Variants in TANC2 observed in about 807,000 individuals in gnomAD.
TANC2 encodes tetratricopeptide repeat, ankyrin repeat and coiled-coil containing 2, also known as protein TANC2.
TANC2 carries 26 observed loss-of-function variants against 210.5 expected under a neutral mutation model. The observed-to-expected ratio is 0.12, with a 90% CI of 0.09 to 0.17. The LOEUF (loss-of-function observed/expected upper bound fraction) is 0.17. Ranked by LOEUF, TANC2 falls within the 10% of genes least tolerant of loss-of-function variation. The probability of loss-of-function intolerance (pLI) is 1.00; values close to 1 mark genes in which losing one functional copy is unlikely to be tolerated. For synonymous variants in TANC2, 931 were observed against 967.1 expected (o/e 0.96, Z 0.69); for missense variants, 2,129 against 2,608.9 (o/e 0.82, Z 4.01).
chr17:63,366,639 AAGC>A (rs1304061351), intron 14 of TANC2, among the ~76,000 whole-genome samples: 1 of 152,240 alleles, frequency 6.6e-6, no homozygotes, highest in African/African-American at 2.4e-5. Flanking sequence ...AAGTGGGAGA[AAGC>A]AGCAAATTCC....
chr17:63,375,633 G>A (rs2047400952), intron 14 of TANC2, among the ~76,000 whole-genome samples: 1 of 152,166 alleles, frequency 6.6e-6, no homozygotes, highest in Non-Finnish European at 1.5e-5. Flanking sequence ...TCTTATACCA[G>A]GGAGGCTACA....
At chr17:63,127,430 A>C (rs920280582) in intron 4 of TANC2, among the ~76,000 whole-genome samples, 1 of 152,202 alleles carries the variant, frequency 6.6e-6, no homozygotes, top group Non-Finnish European at 1.5e-5. Flanking sequence ...ATCAAGGTTC[A>C]TCTGTCCAAA....
At chr17:63,115,587 A>G (rs1238311586) in intron 4 of TANC2, among the ~76,000 whole-genome samples, 1 of 152,194 alleles carries the variant, frequency 6.6e-6, no homozygotes, top group Non-Finnish European at 1.5e-5. Flanking sequence ...GATGGGACAC[A>G]ATATCCAGTC....
intron 7 of TANC2, among the ~76,000 whole-genome samples, chr17:63,209,280 TG>T (rs1239476365): frequency 6.6e-6 from 1 of 152,152 alleles, no homozygotes; most frequent in Non-Finnish European, 1.5e-5. Flanking sequence ...CCAAAAGTGC[TG>T]GGATTACAGG....
At chr17:63,312,305 A>G (rs2045152475) in intron 9 of TANC2, among the ~76,000 whole-genome samples, 1 of 152,188 alleles carries the variant, frequency 6.6e-6, no homozygotes, top group South Asian at 2.1e-4. Context: ...AAAGACATGG[A>G]ATCTCCCTAG....
At position 63,421,435 on chromosome 17, in the gene TANC2, G is replaced by A. The variant is rs373701170; in HGVS notation, c.5705G>A (p.Arg1902Lys). 7.4e-6 allele frequency: 12 copies of A among 1,613,976 alleles called. No individual in the cohort carries two copies. The highest frequency in any genetic ancestry group is 1.0e-5 in the Non-Finnish European group (12 of 1,179,900). The change falls in exon 28 of 28, where the codon AGG (arginine) becomes AAG (lysine). Residue 1902 changes from arginine to lysine, a missense_variant. This residue lies in a region of TANC2 where 584 missense variants were observed against 627.3 expected (regional missense o/e 0.93). Coordinates refer to ENST00000689528, the Ensembl canonical transcript of TANC2. This position sits in a 1 kb window ranked among gnomAD's most constrained non-coding sequence, Gnocchi z 6.9. The stretch of plus-strand genomic sequence containing the variant: ...ATCCCACTGAAACCTGCATATGAGA[G>A]GTCATGTGACGAGCTGTCGCCAGTG...
intron 3 of TANC2, among the ~76,000 whole-genome samples, chr17:63,098,484 A>ACACACTCTCT (rs1360911153): frequency 2.8e-5 from 2 of 72,342 alleles, no homozygotes; most frequent in African/African-American, 1.3e-4. Context: ...ACACACATAC[A>ACACACTCTCT]CTCTCTCTCT....
intron 12 of TANC2, among the ~76,000 whole-genome samples, chr17:63,350,889 A>C (rs1204510187): frequency 2.6e-5 from 4 of 151,978 alleles, no homozygotes; most frequent in South Asian, 2.1e-4. Context: ...AAAAAAAAAA[A>C]AAAAACAGAA....
intron 2 of TANC2, among the ~76,000 whole-genome samples, chr17:63,017,868 G>A (rs529798561): frequency 6.6e-6 from 1 of 152,266 alleles, no homozygotes; most frequent in Admixed American, 6.5e-5. Context: ...GCAGCAGGGC[G>A]CGGTGACTCA....
At chr17:63,059,238 C>T (rs1320863942) in intron 2 of TANC2, among the ~76,000 whole-genome samples, 4 of 151,924 alleles carry the variant, frequency 2.6e-5, no homozygotes, top group African/African-American at 7.3e-5. Flanking sequence ...TAACATTTTC[C>T]CTTTGCTTTT....
chr17:63,152,841 TTAATC>T (rs1427716964), intron 5 of TANC2: 3 of 152,190 alleles, frequency 2.0e-5, no homozygotes, highest in South Asian at 2.1e-4. Flanking sequence ...TCTGACATCT[TTAATC>T]TAATCTAAAG....
chr17:63,183,257 A>C (rs1466010402), intron 5 of TANC2, among the ~76,000 whole-genome samples: 1 of 152,242 alleles, frequency 6.6e-6, no homozygotes, highest in African/African-American at 2.4e-5. Context: ...TGACGTTAAC[A>C]TTGCCAGCAT....
chr17:63,358,976 TTGTG>T (rs34338483), intron 14 of TANC2, among the ~76,000 whole-genome samples: 24,474 of 147,848 alleles, frequency 0.17, 2,423 homozygotes, highest in Non-Finnish European at 0.23. Context: ...AGATTAATAT[TTGTG>T]TGTGTGTGTG....
intron 4 of TANC2, among the ~76,000 whole-genome samples, chr17:63,125,398 T>A (rs984643099): frequency 1.3e-5 from 2 of 152,228 alleles, no homozygotes; most frequent in Non-Finnish European, 2.9e-5. Flanking sequence ...TCCTGTGTAC[T>A]TTTCCTTTTT....
chr17:63,120,346 A>G (rs1205809506), intron 4 of TANC2, among the ~76,000 whole-genome samples: 1 of 152,090 alleles, frequency 6.6e-6, no homozygotes, highest in Non-Finnish European at 1.5e-5. Flanking sequence ...ATCTGTATGT[A>G]TGTTAGGTTT....
At chr17:63,229,513 A>G (rs2042413523) in intron 7 of TANC2, among the ~76,000 whole-genome samples, 1 of 148,940 alleles carries the variant, frequency 6.7e-6, no homozygotes, top group Admixed American at 6.7e-5. Flanking sequence ...GCAACTCTTT[A>G]TACCTCTGAT....
chr17:63,076,205 C>G (rs192601302), intron 3 of TANC2, among the ~76,000 whole-genome samples: 1 of 152,272 alleles, frequency 6.6e-6, no homozygotes, highest in Admixed American at 6.5e-5. Context: ...CTCCTCACCC[C>G]TAACCAAAAG....
intron 1 of TANC2, among the ~76,000 whole-genome samples, chr17:62,984,802 A>G (rs1450456340): frequency 6.6e-6 from 1 of 152,100 alleles, no homozygotes; most frequent in Non-Finnish European, 1.5e-5. Context: ...GTTTCATTCT[A>G]AATATCTTGT....
chr17:63,293,956 T>C (rs2044458514), intron 9 of TANC2, among the ~76,000 whole-genome samples: 2 of 152,144 alleles, frequency 1.3e-5, no homozygotes, highest in Admixed American at 6.5e-5. Flanking sequence ...CTTAAACTCC[T>C]GGGCTCAAGC....
Sources: gnomAD v4.1 joint callset for allele counts (sites outside exome capture counted in the v4.1 genomes callset) on GRCh38, gnomAD v4.1.1 for gene constraint, gnomAD v4.1.1 regional missense constraint, Gnocchi (gnomAD v3.1) non-coding constraint, MANE v1.5 for transcripts, NCBI Gene and HGNC (gene_info 2026-07-23, HGNC 2026-07-21) for gene names.